Variants in CSMD1 observed in about 807,000 individuals in gnomAD.
CSMD1 encodes CUB and Sushi multiple domains 1.
Under a neutral mutation model 417.5 loss-of-function variants are expected in CSMD1, and 213 were observed. The ratio of observed to expected loss-of-function variants is 0.51; its 90% confidence interval spans 0.46 to 0.57. CSMD1 has a LOEUF of 0.57. CSMD1 is among the 20% of genes least tolerant of loss of function. The pLI is 0.00. For missense variants in CSMD1, 6,923 were observed against 4,529.7 expected (o/e 1.53, Z -15.17); for synonymous variants, 2,862 against 1,736.8 (o/e 1.65, Z -16.11).
At chr8:3,501,619 G>A (rs1330969445) in intron 10 of CSMD1, among the ~76,000 whole-genome samples, 2 of 152,106 alleles carry the variant, frequency 1.3e-5, no homozygotes, top group Non-Finnish European at 2.9e-5. Flanking sequence ...GAAAACTGAC[G>A]CTATAATGTA....
At chr8:4,293,568 T>G (rs1797496037) in intron 3 of CSMD1, among the ~76,000 whole-genome samples, 1 of 152,176 alleles carries the variant, frequency 6.6e-6, no homozygotes, top group Non-Finnish European at 1.5e-5. Flanking sequence ...ATCTTCCAAA[T>G]TAGGCACAAT....
intron 50 of CSMD1, among the ~76,000 whole-genome samples, chr8:3,039,542 C>T (rs1304069463): frequency 6.7e-6 from 1 of 150,086 alleles, no homozygotes; most frequent in Non-Finnish European, 1.5e-5. Context: ...TCCTTCTTTC[C>T]TTCCTTCCTT....
intron 2 of CSMD1, among the ~76,000 whole-genome samples, chr8:4,567,308 T>C (rs1017934891): frequency 9.2e-5 from 14 of 152,186 alleles, no homozygotes; most frequent in Non-Finnish European, 1.6e-4. Context: ...AACCCAATAA[T>C]GTTTATTAAA....
chr8:4,385,090 C>G (rs1437624128), intron 3 of CSMD1, among the ~76,000 whole-genome samples: 1 of 152,140 alleles, frequency 6.6e-6, no homozygotes. Context: ...GCACACCCAG[C>G]TAATTTTTGT....
intron 4 of CSMD1, among the ~76,000 whole-genome samples, chr8:4,031,287 G>C (rs1302724838): frequency 1.3e-5 from 2 of 152,186 alleles, no homozygotes; most frequent in Non-Finnish European, 2.9e-5. Flanking sequence ...AAAGAAAGAA[G>C]TTTAATAGAC....
chr8:4,199,883 G>A (rs923344481), intron 3 of CSMD1, among the ~76,000 whole-genome samples: 3 of 152,052 alleles, frequency 2.0e-5, no homozygotes, highest in Non-Finnish European at 2.9e-5. Flanking sequence ...ATATTTTTAG[G>A]CCCTTAGTGG....
intron 25 of CSMD1, among the ~76,000 whole-genome samples, chr8:3,301,902 G>A (rs1804438398): frequency 6.6e-6 from 1 of 152,100 alleles, no homozygotes; most frequent in Non-Finnish European, 1.5e-5. Flanking sequence ...ATAAAGAGAT[G>A]GAGAAATGAC....
intron 10 of CSMD1, among the ~76,000 whole-genome samples, chr8:3,546,313 A>C (rs1320509350): frequency 6.6e-6 from 1 of 151,924 alleles, no homozygotes; most frequent in Non-Finnish European, 1.5e-5. Context: ...AGGTGGGGGG[A>C]TCATGAGGTC....
intron 57 of CSMD1, among the ~76,000 whole-genome samples, chr8:2,972,137 T>C (rs1029153041): frequency 5.3e-5 from 8 of 152,046 alleles, no homozygotes; most frequent in Admixed American, 5.2e-4. Flanking sequence ...ACATAGATTA[T>C]ATAATATAGA....
chr8:3,697,940 T>G (rs377216884), intron 7 of CSMD1, among the ~76,000 whole-genome samples: 1 of 152,258 alleles, frequency 6.6e-6, no homozygotes, highest in Non-Finnish European at 1.5e-5. Context: ...TTTAATTGTA[T>G]GCTGAAACCA....
chr8:4,964,284 G>A (rs1236640894), intron 1 of CSMD1, among the ~76,000 whole-genome samples: 1 of 151,678 alleles, frequency 6.6e-6, no homozygotes, highest in Non-Finnish European at 1.5e-5. Flanking sequence ...GAGGCAAAGG[G>A]GGGCAAATTG....
At chr8:4,294,240 A>C (rs1246735636) in intron 3 of CSMD1, among the ~76,000 whole-genome samples, 4 of 152,180 alleles carry the variant, frequency 2.6e-5, no homozygotes, top group Non-Finnish European at 5.9e-5. Context: ...CTCTGAATTG[A>C]TAGCATATAG....
chr8:4,966,455 T>A (rs751851092), intron 1 of CSMD1, among the ~76,000 whole-genome samples: 22 of 152,136 alleles, frequency 1.4e-4, no homozygotes, highest in Non-Finnish European at 2.4e-4. Flanking sequence ...GTTAGGCTAA[T>A]ATCAACCATC....
rs1196584498 is a variant in CSMD1 at position 3,290,882 on chromosome 8, G to C, written c.3951-6536C>G. ...ACTATATTGAATAGGAGTGGTGAGA[G>C]AGGGCATCCTGGTCTTGTGCCTGTT... On this transcript the variant is annotated intron_variant, in intron 25 of 69. Coordinates refer to ENST00000635120, the MANE Select transcript of CSMD1 (RefSeq NM_033225.6). Among the ~76,000 whole-genome samples the C allele has an allele frequency of 2.0e-5, 3 of 152,022 alleles. No individual in the cohort carries two copies. In the East Asian group the frequency reaches 5.8e-4, roughly 29 times the overall value.
chr8:4,189,643 G>C (rs1328269402), intron 3 of CSMD1, among the ~76,000 whole-genome samples: 1 of 152,114 alleles, frequency 6.6e-6, no homozygotes, highest in East Asian at 1.9e-4. Flanking sequence ...CCCTTCTACT[G>C]ATGTTCTAAA....
chr8:4,370,428 A>T (rs1015592484), intron 3 of CSMD1, among the ~76,000 whole-genome samples: 3 of 152,206 alleles, frequency 2.0e-5, no homozygotes, highest in Non-Finnish European at 4.4e-5. Flanking sequence ...GGAAAGGGTC[A>T]TCTTGTATAA....
intron 5 of CSMD1, among the ~76,000 whole-genome samples, chr8:3,894,811 A>T (rs1324485472): frequency 1.3e-5 from 2 of 152,210 alleles, no homozygotes; most frequent in Admixed American, 1.3e-4. Flanking sequence ...AGGTGCTCTA[A>T]TTCAAATTCA....
At chr8:4,593,475 C>T (rs960343571) in intron 2 of CSMD1, among the ~76,000 whole-genome samples, 1 of 152,050 alleles carries the variant, frequency 6.6e-6, no homozygotes, top group Admixed American at 6.6e-5. Context: ...GAAAGTGAAA[C>T]ATAAAAGAGA....
intron 2 of CSMD1, among the ~76,000 whole-genome samples, chr8:4,574,799 A>G (rs780156699): frequency 4.5e-4 from 68 of 152,240 alleles, no homozygotes; most frequent in Non-Finnish European, 4.3e-4. Context: ...TGCATTTGCC[A>G]TCCAATATCA....
Sources: gnomAD v4.1 joint callset for allele counts (sites outside exome capture counted in the v4.1 genomes callset) on GRCh38, gnomAD v4.1.1 for gene constraint, MANE v1.5 for transcripts, NCBI Gene and HGNC (gene_info 2026-07-23, HGNC 2026-07-21) for gene names.